Variants in DCC observed in about 807,000 individuals in gnomAD.
DCC encodes DCC netrin 1 receptor.
DCC carries 58 observed loss-of-function variants against 172.5 expected under a neutral mutation model. That is an observed-to-expected ratio of 0.34 (90% CI 0.27 to 0.42). The LOEUF is 0.42. Among genes scored for constraint, DCC ranks in the 10% least tolerant of loss-of-function variants. The probability of loss-of-function intolerance (pLI) is 1.00; values close to 1 mark genes in which losing one functional copy is unlikely to be tolerated. For missense variants in DCC, 1,740 were observed against 1,791.0 expected, an observed-to-expected ratio of 0.97 and a Z score of 0.51; for synonymous variants, 709 against 644.5, an observed-to-expected ratio of 1.10 and a Z score of -1.52.
At chr18:53,146,663 C>G (rs2043920686) in intron 7 of DCC, among the ~76,000 whole-genome samples, 1 of 151,938 alleles carries the variant, frequency 6.6e-6, no homozygotes, top group African/African-American at 2.4e-5. Flanking sequence ...TTACTTTATT[C>G]AAGAAAAAAA....
intron 12 of DCC, among the ~76,000 whole-genome samples, chr18:53,238,659 T>C (rs960177312): frequency 1.3e-5 from 2 of 152,014 alleles, no homozygotes; most frequent in South Asian, 2.1e-4. Context: ...TGTAAAGATA[T>C]ATGAGAAGTA....
chr18:52,462,973 A>T (rs1047456086), intron 1 of DCC, among the ~76,000 whole-genome samples: 1 of 152,144 alleles, frequency 6.6e-6, no homozygotes, highest in Non-Finnish European at 1.5e-5. Flanking sequence ...GCTGCCTGAT[A>T]GTGGATCCAT....
intron 7 of DCC, among the ~76,000 whole-genome samples, chr18:53,103,856 C>A (rs1024713003): frequency 6.6e-6 from 1 of 151,894 alleles, no homozygotes; most frequent in African/African-American, 2.4e-5. Context: ...CATTATTTGC[C>A]TTTATATTAA....
chr18:53,168,958 G>C (rs2054968479), intron 8 of DCC, among the ~76,000 whole-genome samples: 1 of 152,124 alleles, frequency 6.6e-6, no homozygotes, highest in African/African-American at 2.4e-5. Context: ...GGGTATCTTT[G>C]TCAATAGATG....
At chr18:52,626,110 G>C (rs902835097) in intron 1 of DCC, among the ~76,000 whole-genome samples, 7 of 152,104 alleles carry the variant, frequency 4.6e-5, no homozygotes, top group African/African-American at 1.2e-4. Context: ...TTTCTCTCCA[G>C]TCCTGCCCTC....
intron 2 of DCC, among the ~76,000 whole-genome samples, chr18:52,883,214 T>C (rs2039513004): frequency 6.6e-6 from 1 of 152,152 alleles, no homozygotes; most frequent in African/African-American, 2.4e-5. Flanking sequence ...TAAGACATTC[T>C]ATGGCTTTGG....
chr18:53,205,213 C>A lies in DCC; in HGVS notation c.1574-3C>A. 1 of 1,610,258 alleles carries A rather than the reference C, an allele frequency of 6.2e-7. No individual in the cohort carries two copies. The highest frequency in any genetic ancestry group is 8.5e-7 in the Non-Finnish European group (1 of 1,176,732). ...TTTCTTTCTTTATTATTTTTTTATA[C>A]AGTGCAAGTTCCAGGGCCAGTAGAA... is the stretch of plus-strand genomic sequence containing the variant. On this transcript the variant is annotated splice_region_variant and splice_polypyrimidine_tract_variant and intron_variant, in intron 9 of 28. Transcript: ENST00000442544.
At chr18:52,982,921 T>C (rs2145607312) in intron 5 of DCC, among the ~76,000 whole-genome samples, 1 of 152,320 alleles carries the variant, frequency 6.6e-6, no homozygotes, top group South Asian at 2.1e-4. Context: ...TTCTCCATTA[T>C]TGTATTGCCT....
chr18:52,926,834 TACACACAC>T (rs143536972), intron 5 of DCC, among the ~76,000 whole-genome samples: 16 of 143,462 alleles, frequency 1.1e-4, no homozygotes, highest in African/African-American at 3.8e-4. Flanking sequence ...TACATATACA[TACACACAC>T]ACACATATAC....
In DCC at chr18:53,448,932, T is replaced by C. The variant is rs1910130; in HGVS notation, c.3230-1568T>C. Among the ~76,000 whole-genome samples the C allele has an allele frequency of 6.5e-3, 989 of 152,326 alleles. 14 individuals carry two copies. The highest frequency in any genetic ancestry group is 0.023 in the African/African-American group (944 of 41,574). On this transcript the variant is annotated intron_variant, in intron 22 of 28. Coordinates refer to ENST00000442544, the MANE Select transcript of DCC (RefSeq NM_005215.4). ...GTAGATATTATAAATTTAGGCAACA[T>C]TTTATTATTGCGTTAGTCATGTAAT...
At chr18:52,943,481 A>C (rs1452300932) in intron 5 of DCC, among the ~76,000 whole-genome samples, 1 of 152,218 alleles carries the variant, frequency 6.6e-6, no homozygotes, top group Non-Finnish European at 1.5e-5. Context: ...TGAAGAGTAC[A>C]TCTGAGAGTT....
chr18:53,458,190 A>G (rs2045506621), intron 23 of DCC, among the ~76,000 whole-genome samples: 2 of 152,204 alleles, frequency 1.3e-5, no homozygotes, highest in Admixed American at 1.3e-4. Context: ...TTCTTACAAG[A>G]GACATTATTT....
intron 1 of DCC, among the ~76,000 whole-genome samples, chr18:52,443,399 T>G (rs1284991111): frequency 6.6e-6 from 1 of 152,074 alleles, no homozygotes; most frequent in African/African-American, 2.4e-5. Context: ...AGCATACAAG[T>G]GATATTTGTA....
At chr18:53,217,000 C>G (rs2055861837) in intron 12 of DCC, among the ~76,000 whole-genome samples, 1 of 151,968 alleles carries the variant, frequency 6.6e-6, no homozygotes, top group Admixed American at 6.6e-5. Flanking sequence ...TGTAATGTCT[C>G]TTGTTTAACA....
chr18:52,819,394 A>G (rs1399390638), intron 2 of DCC, among the ~76,000 whole-genome samples: 1 of 152,228 alleles, frequency 6.6e-6, no homozygotes, highest in Non-Finnish European at 1.5e-5. Context: ...CAACTTCCTG[A>G]CTAGATTAGA....
At chr18:52,518,065 T>A (rs1183637296) in intron 1 of DCC, among the ~76,000 whole-genome samples, 1 of 152,226 alleles carries the variant, frequency 6.6e-6, no homozygotes, top group Non-Finnish European at 1.5e-5. Flanking sequence ...TGTTTTCCTG[T>A]AAACTGTGGT....
intron 1 of DCC, among the ~76,000 whole-genome samples, chr18:52,508,449 A>G (rs2031316024): frequency 6.6e-6 from 1 of 152,232 alleles, no homozygotes. Context: ...GCATGCCTTT[A>G]TATTAAACAG....
intron 1 of DCC, among the ~76,000 whole-genome samples, chr18:52,504,843 C>T (rs1426515106): frequency 5.9e-5 from 9 of 152,084 alleles, no homozygotes; most frequent in Non-Finnish European, 8.8e-5. Flanking sequence ...TTAAATCCCA[C>T]GCACTGTCTA....
chr18:52,836,625 T>A (rs1406571937), intron 2 of DCC, among the ~76,000 whole-genome samples: 2 of 152,240 alleles, frequency 1.3e-5, no homozygotes, highest in African/African-American at 4.8e-5. Context: ...CAGGTCTTGC[T>A]GATGCAAGAG....
Sources: gnomAD v4.1 joint callset for allele counts (sites outside exome capture counted in the v4.1 genomes callset) on GRCh38, gnomAD v4.1.1 for gene constraint, MANE v1.5 for transcripts, NCBI Gene and HGNC (gene_info 2026-07-23, HGNC 2026-07-21) for gene names.